The following SHISA9 variants were observed in gnomAD, a reference collection of about 807,000 sequenced individuals.
The protein encoded by SHISA9 is protein shisa-9.
A neutral mutation model predicts 38.0 loss-of-function variants in SHISA9; 13 were observed. That is an observed-to-expected ratio of 0.34 (90% CI 0.22 to 0.54). The LOEUF is 0.54. Among genes scored for constraint, SHISA9 ranks in the 20% least tolerant of loss-of-function variants. The pLI, the probability that SHISA9 is intolerant of heterozygous loss-of-function variation, is 0.91. For missense variants in SHISA9, 538 were observed against 575.8 expected, an observed-to-expected ratio of 0.93 and a Z score of 0.67; for synonymous variants, 275 against 242.0, an observed-to-expected ratio of 1.14 and a Z score of -1.27.
At chr16:13,305,529 T>G in the SHISA9 span, among the ~76,000 whole-genome samples, 1 of 152,186 alleles carries the variant, frequency 6.6e-6, no homozygotes, top group Non-Finnish European at 1.5e-5. Context: ...CACTCTCCCT[T>G]GCTTGCTCTG....
At chr16:13,338,658 G>A in the SHISA9 span, among the ~76,000 whole-genome samples, 1 of 152,104 alleles carries the variant, frequency 6.6e-6, no homozygotes, top group Non-Finnish European at 1.5e-5. Flanking sequence ...TAAAGGGTCT[G>A]CCTCCTGAGT....
At chr16:13,232,266 G>C (rs542148721) in intron 4 of SHISA9, among the ~76,000 whole-genome samples, 2 of 152,084 alleles carry the variant, frequency 1.3e-5, no homozygotes, top group East Asian at 1.9e-4. Flanking sequence ...TAAAAGTGTA[G>C]ATAATCTTAT....
At chr16:13,089,843 G>C (rs1328795315) in intron 2 of SHISA9, among the ~76,000 whole-genome samples, 1 of 152,056 alleles carries the variant, frequency 6.6e-6, no homozygotes, top group Non-Finnish European at 1.5e-5. Flanking sequence ...CCTTCTGCTA[G>C]CTTTTAAATT....
the SHISA9 span, among the ~76,000 whole-genome samples, chr16:13,494,655 T>C: frequency 6.6e-6 from 1 of 152,042 alleles, no homozygotes; most frequent in Non-Finnish European, 1.5e-5. Flanking sequence ...GTTAAATGAA[T>C]TGAGATACAT....
At chr16:13,213,418 G>C in intron 4 of SHISA9, 118 bp downstream of exon 4, 1 of 905,126 alleles carries the variant, frequency 1.1e-6, no homozygotes, top group Admixed American at 2.3e-5. Context: ...GTCTGCATAG[G>C]GTGGCATCTG....
At chr16:13,090,556 A>C (rs1396957975) in intron 2 of SHISA9, among the ~76,000 whole-genome samples, 3 of 152,124 alleles carry the variant, frequency 2.0e-5, no homozygotes, top group Non-Finnish European at 4.4e-5. Context: ...CCATTATGTA[A>C]TGGTCTTTTT....
intron 2 of SHISA9, among the ~76,000 whole-genome samples, chr16:12,929,016 A>G (rs933882961): frequency 2.6e-5 from 4 of 152,242 alleles, no homozygotes; most frequent in Admixed American, 6.5e-5. Context: ...GAAGACATAC[A>G]TGTGGCCAAA....
chr16:13,264,946 C>T, the SHISA9 span, among the ~76,000 whole-genome samples: 5 of 147,210 alleles, frequency 3.4e-5, no homozygotes, highest in East Asian at 8.3e-4. Flanking sequence ...CTCCTTTTCT[C>T]GTCTTCTCTT....
chr16:13,032,357 T>C (rs1044518000), intron 2 of SHISA9, among the ~76,000 whole-genome samples: 1 of 152,188 alleles, frequency 6.6e-6, no homozygotes, highest in African/African-American at 2.4e-5. Context: ...CACGAACTCT[T>C]CTTTCTTAGG....
At chr16:13,006,818 C>A (rs1370051562) in intron 2 of SHISA9, among the ~76,000 whole-genome samples, 1 of 152,160 alleles carries the variant, frequency 6.6e-6, no homozygotes, top group Non-Finnish European at 1.5e-5. Flanking sequence ...ACTCTCTGAT[C>A]ACTGAAGCTC....
chr16:13,377,873 C>CA, the SHISA9 span, among the ~76,000 whole-genome samples: 13,350 of 149,736 alleles, frequency 0.089, 1,232 homozygotes, highest in African/African-American at 0.24. Context: ...ACTAAAAATA[C>CA]AAAAAAAAAA....
chr16:13,272,871 AT>A, the SHISA9 span, among the ~76,000 whole-genome samples: 1 of 152,098 alleles, frequency 6.6e-6, no homozygotes. Context: ...TATTGAACAG[AT>A]TTTTTTTATT....
At chr16:13,139,131 G>A (rs914258160) in intron 2 of SHISA9, among the ~76,000 whole-genome samples, 1 of 152,242 alleles carries the variant, frequency 6.6e-6, no homozygotes, top group East Asian at 1.9e-4. Flanking sequence ...TCATTGCAGG[G>A]TTGGGTTTTA....
At chr16:13,511,129 A>G in the SHISA9 span, among the ~76,000 whole-genome samples, 2 of 152,208 alleles carry the variant, frequency 1.3e-5, no homozygotes, top group Admixed American at 1.3e-4. Context: ...TAATAAATCA[A>G]TTAATTAAGC....
chr16:13,469,773 T>A, the SHISA9 span, among the ~76,000 whole-genome samples: 6 of 137,620 alleles, frequency 4.4e-5, no homozygotes, highest in Non-Finnish European at 4.6e-5. Context: ...GAGTATGAGA[T>A]AACTTCAGAA....
the SHISA9 span, among the ~76,000 whole-genome samples, chr16:13,333,739 A>G: frequency 7.2e-5 from 11 of 152,226 alleles, no homozygotes; most frequent in African/African-American, 2.4e-4. Context: ...TCTGGAACGT[A>G]AACTACCCTG....
At chr16:13,562,535 C>T in the SHISA9 span, among the ~76,000 whole-genome samples, 24 of 145,686 alleles carry the variant, frequency 1.6e-4, no homozygotes, top group African/African-American at 5.6e-4. Flanking sequence ...GAAGCTGAGG[C>T]GGGAGAATCT....
chr16:13,462,778 A>T, the SHISA9 span, among the ~76,000 whole-genome samples: 3 of 152,050 alleles, frequency 2.0e-5, no homozygotes, highest in Non-Finnish European at 4.4e-5. Flanking sequence ...CCTGGCCAAC[A>T]TGGTGAAACC....
intron 2 of SHISA9, among the ~76,000 whole-genome samples, chr16:13,054,629 A>C (rs558366578): frequency 6.6e-6 from 1 of 152,352 alleles, no homozygotes; most frequent in East Asian, 1.9e-4. Flanking sequence ...GAAGTTTGTT[A>C]AACTCCTCTT....
Sources: gnomAD v4.1 joint callset for allele counts (sites outside exome capture counted in the v4.1 genomes callset) on GRCh38, gnomAD v4.1.1 for gene constraint, MANE v1.5 for transcripts, NCBI Gene and HGNC (gene_info 2026-07-23, HGNC 2026-07-21) for gene names.